PTPRA: variants seen among roughly 807,000 people sequenced by gnomAD.
The protein encoded by PTPRA is receptor-type tyrosine-protein phosphatase alpha.
In PTPRA, 25 loss-of-function variants were observed where a neutral mutation model predicts 104.8. The ratio of observed to expected loss-of-function variants is 0.24; its 90% CI spans 0.17 to 0.33. PTPRA has a LOEUF of 0.33. Ranked by LOEUF, PTPRA falls within the 10% of genes least tolerant of loss-of-function variation. The pLI is 1.00. For missense variants in PTPRA, 765 were observed against 1,015.3 expected (o/e 0.75, Z 3.35); for synonymous variants, 323 against 368.9 (o/e 0.88, Z 1.43).
At chr20:2,908,458 G>C (rs995905334) in intron 1 of PTPRA, among the ~76,000 whole-genome samples, 9 of 152,286 alleles carry the variant, frequency 5.9e-5, no homozygotes, top group Admixed American at 6.5e-5. Flanking sequence ...GCCACTGTGG[G>C]ACTTGAGTGT....
the PTPRA span, chr20:2,866,409 CCT>C: frequency 6.2e-7 from 1 of 1,614,010 alleles, no homozygotes; most frequent in Non-Finnish European, 8.5e-7. Context: ...AACACCACCT[CCT>C]CTCTTGCTCA....
intron 3 of PTPRA, among the ~76,000 whole-genome samples, chr20:2,948,909 A>G (rs969925346): frequency 5.4e-4 from 82 of 152,032 alleles, no homozygotes; most frequent in South Asian, 1.5e-3. Flanking sequence ...CCGAGATTGC[A>G]CCACTGCACT....
intron 2 of PTPRA, among the ~76,000 whole-genome samples, chr20:2,941,531 G>GT (rs1429422484): frequency 6.6e-6 from 1 of 152,166 alleles, no homozygotes; most frequent in African/African-American, 2.4e-5. Context: ...TCCACATCCA[G>GT]TGCTATATTC....
intron 16 of PTPRA, among the ~76,000 whole-genome samples, 179 bp from the exon 17 acceptor site, chr20:3,024,293 C>T (rs1168349914): frequency 6.6e-6 from 1 of 152,156 alleles, no homozygotes; most frequent in Non-Finnish European, 1.5e-5. Context: ...AGCACCCCCA[C>T]AGGGACTCCT....
the PTPRA span, chr20:2,865,846 T>C: frequency 3.9e-3 from 1,774 of 454,532 alleles, 17 homozygotes; most frequent in South Asian, 0.023. This position sits in a 1 kb window ranked among gnomAD's most constrained non-coding sequence, Gnocchi z 5.2. Flanking sequence ...TGAGGGCTGT[T>C]TTCTGTGGTG....
intron 6 of PTPRA, among the ~76,000 whole-genome samples, chr20:2,981,107 C>T (rs1421017341): frequency 2.0e-5 from 3 of 151,890 alleles, no homozygotes; most frequent in African/African-American, 4.8e-5. Flanking sequence ...CAATCATATG[C>T]AGTGTAGACC....
intron 16 of PTPRA, 102 bp from the exon 17 acceptor site, chr20:3,024,370 A>G: frequency 8.1e-7 from 1 of 1,240,924 alleles, no homozygotes; most frequent in Non-Finnish European, 1.1e-6. Flanking sequence ...TGCTAGGATC[A>G]AAGGAGAAAT....
At chr20:2,944,672 C>T (rs2061057560) in intron 2 of PTPRA, among the ~76,000 whole-genome samples, 1 of 152,196 alleles carries the variant, frequency 6.6e-6, no homozygotes, top group African/African-American at 2.4e-5. Context: ...GGCAGTGTCT[C>T]ACTGTAAAAG....
chr20:3,017,327 T>G (rs554572013), intron 12 of PTPRA, among the ~76,000 whole-genome samples: 72 of 152,290 alleles, frequency 4.7e-4, no homozygotes, highest in African/African-American at 1.7e-3. Context: ...TCTGTTTGCC[T>G]CTCATTTTTG....
chr20:2,873,536 G>A lies in PTPRA; in HGVS notation c.-353G>A, dbSNP rs968605642. The A allele has an allele frequency of 2.6e-5, 4 of 151,636 alleles. No homozygotes were observed. The highest frequency in any genetic ancestry group is 9.7e-5 in the African/African-American group (4 of 41,394). 9.4% of individuals were successfully genotyped at this position (151,636 alleles called of 1,614,324 possible). On this transcript the variant is annotated 5_prime_UTR_variant, in exon 1 of 24. Coordinates refer to ENST00000399903, the MANE Select transcript of PTPRA (RefSeq NM_001385305.1). The surrounding 1 kb of genome is among the most constrained non-coding windows in gnomAD (Gnocchi z 4.4). ...CGCTGACAGAGACGCGCGCGCGCGCGATCGCGCTCGGACCCCGGCCGCTGC... is the reference window on the plus strand; with the variant it reads ...CGCTGACAGAGACGCGCGCGCGCGCAATCGCGCTCGGACCCCGGCCGCTGC...
chr20:2,881,242 C>G (rs943192207), intron 1 of PTPRA, among the ~76,000 whole-genome samples: 1 of 151,106 alleles, frequency 6.6e-6, no homozygotes, highest in Admixed American at 6.6e-5. Context: ...GCCCAGGAGG[C>G]GGAGTTTGCA....
intron 20 of PTPRA, among the ~76,000 whole-genome samples, chr20:3,032,638 T>A (rs778497063): frequency 6.6e-6 from 1 of 151,618 alleles, no homozygotes; most frequent in Non-Finnish European, 1.5e-5. Flanking sequence ...CGATGGTGCA[T>A]GCCTGTGATC....
At chr20:2,991,340 G>A (rs1012279431) in intron 9 of PTPRA, among the ~76,000 whole-genome samples, 2 of 151,520 alleles carry the variant, frequency 1.3e-5, no homozygotes, top group African/African-American at 2.4e-5. Flanking sequence ...ACTCCAGCCT[G>A]GGCGACAAGA....
chr20:2,925,050 T>G (rs912739336), intron 2 of PTPRA, among the ~76,000 whole-genome samples: 2 of 152,146 alleles, frequency 1.3e-5, no homozygotes, highest in Non-Finnish European at 2.9e-5. Flanking sequence ...AAGATTAAAT[T>G]TATCATTTTA....
intron 9 of PTPRA, among the ~76,000 whole-genome samples, chr20:2,994,866 A>G: frequency 6.6e-6 from 1 of 152,226 alleles, no homozygotes; most frequent in South Asian, 2.1e-4. Context: ...ACAATGGCTC[A>G]TGCCTGTAAT....
intron 1 of PTPRA, among the ~76,000 whole-genome samples, chr20:2,907,380 C>T (rs886564532): frequency 2.0e-5 from 3 of 151,664 alleles, no homozygotes; most frequent in African/African-American, 7.3e-5. Context: ...CTGGGCAAGT[C>T]AGGTTATTCA....
intron 5 of PTPRA, among the ~76,000 whole-genome samples, chr20:2,973,433 A>G (rs1186329642): frequency 1.3e-5 from 2 of 152,198 alleles, no homozygotes; most frequent in East Asian, 1.9e-4. Flanking sequence ...AGGATGCGCT[A>G]TAAGCTGCTC....
Position 3,021,365 on chromosome 20 carries a change from G to A in PTPRA, c.1098G>A (p.Arg366=). 3 of 1,614,156 alleles carry A rather than the reference G, an allele frequency of 1.9e-6. No individual in the cohort carries two copies. The highest frequency in any genetic ancestry group is 2.5e-6 in the Non-Finnish European group (3 of 1,180,016). The change falls in exon 14 of 24, where the codon CGG becomes CGA. Residue 366 remains arginine (R), a synonymous_variant. Coordinates refer to ENST00000399903, the MANE Select transcript of PTPRA (RefSeq NM_001385305.1). ...GCTGCTGGACCTATGGGAATATTCGGGTGTCTGTAGAGGATGTGACTGTCC... is the reference window on the plus strand; with the variant it reads ...GCTGCTGGACCTATGGGAATATTCGAGTGTCTGTAGAGGATGTGACTGTCC... The part of the protein sequence containing the change: ...DQGCWTYGNI[R]VSVEDVTVLV...
At chr20:3,005,283 T>G in intron 10 of PTPRA, 137 bp downstream of exon 10, 1 of 816,164 alleles carries the variant, frequency 1.2e-6, no homozygotes, top group South Asian at 1.7e-5. Context: ...ACTCAGTGGC[T>G]CATACCTGTA....
Sources: allele counts gnomAD v4.1 joint callset (sites outside exome capture counted in the v4.1 genomes callset), GRCh38; gene constraint gnomAD v4.1.1; non-coding constraint Gnocchi (gnomAD v3.1); transcripts MANE v1.5; gene names NCBI Gene and HGNC (gene_info 2026-07-23, HGNC 2026-07-21).